The following MARCHF6 variants were observed in gnomAD, a reference collection of about 807,000 sequenced individuals.
The protein encoded by MARCHF6 is E3 ubiquitin-protein ligase MARCHF6.
A neutral mutation model predicts 133.7 loss-of-function variants in MARCHF6; 31 were observed. That is an observed-to-expected ratio of 0.23 (90% confidence interval 0.17 to 0.31). The LOEUF is 0.31. Ranked by LOEUF, MARCHF6 falls within the 10% of genes least tolerant of loss-of-function variation. MARCHF6 has a pLI of 1.00. For synonymous variants in MARCHF6, 395 were observed against 402.5 expected (o/e 0.98, Z 0.22); for missense variants, 723 against 1,121.6 (o/e 0.64, Z 5.08).
Position 10,433,859 on chromosome 5 carries a change from T to G in MARCHF6, c.*175T>G. On this transcript the variant is annotated 3_prime_UTR_variant, in exon 26 of 26. Coordinates refer to ENST00000274140, the MANE Select transcript of MARCHF6 (RefSeq NM_005885.4). ...AAGATTCTGCTGTTCTCCCTGGATC[T>G]TCTGACATTACTGCTGTCTGAGATT... 1 of 601,936 alleles carries G rather than the reference T, an allele frequency of 1.7e-6. No individual in the cohort carries two copies. Among genetic ancestry groups the G allele is most frequent in the East Asian group, 2.9e-5 (1 of 35,086 alleles). The allele number at this position is 601,936 out of a possible 1,614,324, so 37.3% of individuals were successfully genotyped here. A position where few individuals can be genotyped will look rare whatever the true frequency, so the allele number is the denominator to read the frequency against.
At chr5:10,357,353 G>GTTTT (rs56199979) in intron 1 of MARCHF6, among the ~76,000 whole-genome samples, 1 of 146,946 alleles carries the variant, frequency 6.8e-6, no homozygotes. Context: ...TAAAGCTGAG[G>GTTTT]TTTTTTTTTT....
At chr5:10,362,582 A>G (rs963840401) in intron 1 of MARCHF6, among the ~76,000 whole-genome samples, 1 of 152,270 alleles carries the variant, frequency 6.6e-6, no homozygotes, top group Non-Finnish European at 1.5e-5. Flanking sequence ...ATATATGTTA[A>G]TAAAAATAAC....
At chr5:10,396,668 T>C (rs1738209825) in intron 9 of MARCHF6, among the ~76,000 whole-genome samples, 2 of 152,014 alleles carry the variant, frequency 1.3e-5, no homozygotes, top group Admixed American at 6.5e-5. Context: ...ATAGCTAAGG[T>C]GTGTGTAACA....
chr5:10,420,176 C>T (rs1012424510), intron 22 of MARCHF6, among the ~76,000 whole-genome samples: 3 of 152,128 alleles, frequency 2.0e-5, no homozygotes, highest in African/African-American at 7.2e-5. Flanking sequence ...AAATGAGTGA[C>T]CCCACAAACA....
At chr5:10,382,939 C>G (rs1737242891) in intron 4 of MARCHF6, among the ~76,000 whole-genome samples, 1 of 152,102 alleles carries the variant, frequency 6.6e-6, no homozygotes, top group African/African-American at 2.4e-5. Context: ...TACTAATCAA[C>G]CCCCCTAATC....
chr5:10,412,866 G>T (rs938466162), intron 19 of MARCHF6, among the ~76,000 whole-genome samples: 2 of 152,156 alleles, frequency 1.3e-5, no homozygotes, highest in African/African-American at 4.8e-5. Flanking sequence ...AAGCCACTGC[G>T]GCTGGCCTAA....
intron 1 of MARCHF6, among the ~76,000 whole-genome samples, chr5:10,368,124 G>T (rs1000054202): frequency 3.3e-5 from 5 of 152,144 alleles, no homozygotes; most frequent in Non-Finnish European, 7.4e-5. Context: ...TCTTTTTGTA[G>T]CCTTGGCCTT....
In MARCHF6 at chr5:10,374,405, G is replaced by T. The variant is rs185241451; in HGVS notation, c.20-3393G>T. Among the ~76,000 whole-genome samples the T allele has an allele frequency of 5.9e-5, 9 of 152,122 alleles. No individual in the cohort carries two copies. In the East Asian group the frequency reaches 1.7e-3, roughly 29 times the overall value. ...GCCTCTTGTCTTTTTGGTACCTTAC[G>T]GGCTCTTCTTCCCTGAGTTTCCCTG... is the stretch of plus-strand genomic sequence containing the variant. On this transcript the variant is annotated intron_variant, in intron 1 of 25. Transcript: ENST00000274140.
At chr5:10,409,999 T>A in intron 17 of MARCHF6, 140 bp from the exon 18 acceptor site, 1 of 888,866 alleles carries the variant, frequency 1.1e-6, no homozygotes, top group Non-Finnish European at 1.7e-6. Flanking sequence ...GGGGAAAGCC[T>A]CACTGAGTTG....
chr5:10,420,192 C>G (rs1299309422), intron 22 of MARCHF6, among the ~76,000 whole-genome samples: 1 of 152,202 alleles, frequency 6.6e-6, no homozygotes, highest in Non-Finnish European at 1.5e-5. Context: ...AAACAAGAAG[C>G]TGCATCATCT....
chr5:10,429,939 A>G lies in MARCHF6; in HGVS notation c.2553A>G (p.Pro851=), dbSNP rs1187562796. The G allele has an allele frequency of 5.6e-6, 9 of 1,613,508 alleles. No individual in the cohort carries two copies. In the African/African-American group the frequency reaches 8.0e-5, roughly 14 times the overall value. Residue 851 remains proline, a synonymous_variant, in exon 25 of 26, where the codon CCA becomes CCG. Coordinates refer to ENST00000274140, the MANE Select transcript of MARCHF6 (RefSeq NM_005885.4). ...MQNLVHRRIY[P]FLLMVVVLMA... Reference sequence around the variant, plus strand: ...ACTTAGTCCATCGGCGGATTTATCCATTTTTACTGATGGTCGTGGTATTGA... The same window carrying G: ...ACTTAGTCCATCGGCGGATTTATCCGTTTTTACTGATGGTCGTGGTATTGA...
rs887850953 is a variant in MARCHF6, at chr5:10,415,156, T to A, written c.1967-332T>A. On this transcript the variant is annotated intron_variant, in intron 20 of 25. Transcript: ENST00000274140. ...CCCCACTTTTGTCCTATTATTTGCA[T>A]AACAGTTTCATTTGGTGATAAAAAC... is the stretch of plus-strand genomic sequence containing the variant. 2.0e-5 allele frequency among the ~76,000 whole-genome samples: 3 copies of A among 152,234 alleles called. No individual in the cohort carries two copies. The East Asian group carries it at 5.8e-4, about 29-fold the overall frequency.
At chr5:10,376,087 C>T (rs1736762942) in intron 1 of MARCHF6, among the ~76,000 whole-genome samples, 1 of 152,196 alleles carries the variant, frequency 6.6e-6, no homozygotes, top group South Asian at 2.1e-4. Context: ...AGAATAAAAG[C>T]AGGCTGCCGG....
intron 22 of MARCHF6, among the ~76,000 whole-genome samples, chr5:10,421,720 G>A (rs1739834663): frequency 6.6e-6 from 1 of 152,206 alleles, no homozygotes; most frequent in Admixed American, 6.5e-5. Flanking sequence ...AAGGCCAAGA[G>A]AAAGCTGAAT....
chr5:10,398,288 A>G (rs569652908), intron 10 of MARCHF6, among the ~76,000 whole-genome samples: 16 of 152,328 alleles, frequency 1.1e-4, no homozygotes, highest in Middle Eastern at 6.8e-3. Context: ...GACGTCTTTA[A>G]TAAGAAGCCA....
intron 21 of MARCHF6, among the ~76,000 whole-genome samples, chr5:10,417,013 C>G (rs1229305538): frequency 6.6e-6 from 1 of 152,148 alleles, no homozygotes; most frequent in Non-Finnish European, 1.5e-5. Context: ...CTTGGCCAGT[C>G]GGTAGCTTTT....
At chr5:10,375,351 G>A (rs1332846011) in intron 1 of MARCHF6, among the ~76,000 whole-genome samples, 4 of 152,252 alleles carry the variant, frequency 2.6e-5, no homozygotes, top group South Asian at 2.1e-4. Flanking sequence ...CCGGCCCACC[G>A]GCGCTGTGCT....
intron 1 of MARCHF6, among the ~76,000 whole-genome samples, chr5:10,357,353 G>GTTTTTTTTTTTT (rs56199979): frequency 6.8e-6 from 1 of 146,946 alleles, no homozygotes; most frequent in Non-Finnish European, 1.5e-5. Context: ...TAAAGCTGAG[G>GTTTTTTTTTTTT]TTTTTTTTTT....
chr5:10,378,697 G>A (rs1197530097), intron 2 of MARCHF6, 62 bp from the exon 3 acceptor site: 20 of 1,039,180 alleles, frequency 1.9e-5, no homozygotes, highest in East Asian at 7.6e-5. Flanking sequence ...CAATGTTTTC[G>A]ACAAAACTGT....
Sources: gnomAD v4.1 joint callset for allele counts (sites outside exome capture counted in the v4.1 genomes callset) on GRCh38, gnomAD v4.1.1 for gene constraint, MANE v1.5 for transcripts, NCBI Gene and HGNC (gene_info 2026-07-23, HGNC 2026-07-21) for gene names.